SUFU: variants seen among roughly 807,000 people sequenced by gnomAD.
SUFU encodes SUFU negative regulator of hedgehog signaling, also known as suppressor of fused homolog.
SUFU carries 7 observed loss-of-function variants against 58.9 expected under a neutral mutation model. The observed-to-expected ratio is 0.12, with a 90% CI of 0.07 to 0.22. The LOEUF is 0.22. Ranked by LOEUF, SUFU falls within the 10% of genes least tolerant of loss-of-function variation. The pLI, the probability that SUFU is intolerant of heterozygous loss-of-function variation, is 1.00. For synonymous variants in SUFU, 232 were observed against 254.8 expected (o/e 0.91, Z 0.85); for missense variants, 451 against 641.3 (o/e 0.70, Z 3.20).
At position 102,625,180 on chromosome 10, in the gene SUFU, G is replaced by A. The variant is rs1250940883; in HGVS notation, c.1297-1995G>A. ...GGGATAAGAGAGTAGGAGGAGCAAG[G>A]GCTTAGGCTGTGAGAGGGAGTACGT... On this transcript the variant is annotated intron_variant, in intron 10 of 11. Transcript: ENST00000369902. The surrounding 1 kb of genome is among the most constrained non-coding windows in gnomAD (Gnocchi z 4.7). Among the ~76,000 whole-genome samples the A allele has an allele frequency of 1.3e-5, 2 of 152,182 alleles. No homozygotes were observed. The highest frequency in any genetic ancestry group is 2.9e-5 in the Non-Finnish European group (2 of 68,042).
At chr10:102,509,437 C>A in intron 2 of SUFU, 134 bp downstream of exon 2, 1 of 1,279,084 alleles carries the variant, frequency 7.8e-7, no homozygotes. Context: ...CTGACTATAT[C>A]TACTCATGCC....
At chr10:102,507,463 T>C (rs1589973587) in intron 1 of SUFU, among the ~76,000 whole-genome samples, 1 of 152,226 alleles carries the variant, frequency 6.6e-6, no homozygotes, top group East Asian at 1.9e-4. Context: ...CCACAAACTT[T>C]TCTAAATCCA....
intron 3 of SUFU, among the ~76,000 whole-genome samples, chr10:102,578,932 G>A (rs540833408): frequency 1.3e-5 from 2 of 152,050 alleles, no homozygotes; most frequent in African/African-American, 4.8e-5. Context: ...TAGGTGGCAG[G>A]CCCTCGTGCT....
At chr10:102,511,694 G>A (rs933887497) in intron 2 of SUFU, among the ~76,000 whole-genome samples, 1 of 152,074 alleles carries the variant, frequency 6.6e-6, no homozygotes, top group Non-Finnish European at 1.5e-5. Flanking sequence ...TGGGCTGTTT[G>A]AGTCCAAAGT....
chr10:102,543,081 G>C (rs1336181508), intron 2 of SUFU, among the ~76,000 whole-genome samples: 1 of 152,120 alleles, frequency 6.6e-6, no homozygotes, highest in East Asian at 1.9e-4. Flanking sequence ...CTTAGAAGTG[G>C]GATTGCTGGA....
chr10:102,567,552 C>T (rs1182266090), intron 3 of SUFU, among the ~76,000 whole-genome samples: 6 of 152,088 alleles, frequency 3.9e-5, no homozygotes, highest in African/African-American at 9.7e-5. Flanking sequence ...GGCCCTCCCT[C>T]GAGGGTTCTG....
At chr10:102,574,464 A>G (rs1199167014) in intron 3 of SUFU, among the ~76,000 whole-genome samples, 4 of 152,322 alleles carry the variant, frequency 2.6e-5, no homozygotes, top group African/African-American at 9.6e-5. Context: ...ATACAAATAT[A>G]TGGCCAGGCG....
At chr10:102,597,885 C>A (rs1364946711) in intron 7 of SUFU, among the ~76,000 whole-genome samples, 1 of 152,214 alleles carries the variant, frequency 6.6e-6, no homozygotes, top group Non-Finnish European at 1.5e-5. Context: ...TTGGAATCTC[C>A]CTGTGCTGAT....
In SUFU at chr10:102,593,624, C is replaced by T. The variant is rs768142814; in HGVS notation, c.598-12C>T. 2 of 1,614,168 alleles carry T rather than the reference C, an allele frequency of 1.2e-6. No individual in the cohort carries two copies. The highest frequency in any genetic ancestry group is 4.5e-5 in the East Asian group (2 of 44,890). On this transcript the variant is annotated splice_polypyrimidine_tract_variant and intron_variant, in intron 4 of 11. Coordinates refer to ENST00000369902, the MANE Select transcript of SUFU (RefSeq NM_016169.4). ...CATTAACACACAATGGGCTTTCTAT[C>T]CTGGGCCTCAGATCGTTGGTGTCTG... is the stretch of plus-strand genomic sequence containing the variant.
At position 102,617,479 on chromosome 10, in the gene SUFU, C is replaced by A; in HGVS notation, c.1296+51C>A. On this transcript the variant is annotated intron_variant, in intron 10 of 11. Coordinates refer to ENST00000369902, the MANE Select transcript of SUFU (RefSeq NM_016169.4). This position sits in a 1 kb window ranked among gnomAD's most constrained non-coding sequence, Gnocchi z 4.4. ...TCCTTCCTTTCATAGACTTCCTTGC[C>A]CACCCCTCCTCTTCTCCCTTGGCAG... is the stretch of plus-strand genomic sequence containing the variant. 1 of 1,613,134 alleles carries A rather than the reference C, an allele frequency of 6.2e-7. No homozygotes were observed. Among genetic ancestry groups the A allele is most frequent in the South Asian group, 1.1e-5 (1 of 91,072 alleles).
In SUFU at chr10:102,629,982, G is replaced by T. The variant is rs1400417179; in HGVS notation, c.1366-84G>T. 1.0e-5 allele frequency: 13 copies of T among 1,293,244 alleles called. No homozygotes were observed. Among genetic ancestry groups the T allele is most frequent in the Non-Finnish European group, 1.5e-5 (13 of 887,564 alleles). The allele number at this position is 1,293,244 out of a possible 1,614,324, so 80.1% of individuals were successfully genotyped here. ...CCTGTCCTATCCCTAGCTCCCCGGGGACAGGCCTGGGCAATCTCTGGAAAG... is the reference window on the plus strand; with the variant it reads ...CCTGTCCTATCCCTAGCTCCCCGGGTACAGGCCTGGGCAATCTCTGGAAAG... On this transcript the variant is annotated intron_variant, in intron 11 of 11. Coordinates refer to ENST00000369902, the MANE Select transcript of SUFU (RefSeq NM_016169.4). This position sits in a 1 kb window ranked among gnomAD's most constrained non-coding sequence, Gnocchi z 4.7.
At chr10:102,585,043 G>C (rs1175485998) in intron 3 of SUFU, among the ~76,000 whole-genome samples, 1 of 152,246 alleles carries the variant, frequency 6.6e-6, no homozygotes, top group Non-Finnish European at 1.5e-5. Flanking sequence ...TGCCTGGGGT[G>C]GTGGGAACAA....
chr10:102,543,202 C>T (rs11191326), intron 2 of SUFU, among the ~76,000 whole-genome samples: 52,965 of 152,000 alleles, frequency 0.35, 9,389 homozygotes, highest in African/African-American at 0.39. Context: ...GTCTCTTCCC[C>T]CACAACCTCA....
At position 102,617,187 on chromosome 10, in the gene SUFU, C is replaced by G; in HGVS notation, c.1158-103C>G. ...AGCCAGGAGGGCATGTTACCTGGCCCGCGGACCATAGTCCCCACTGTCCCA... is the reference window on the plus strand; with the variant it reads ...AGCCAGGAGGGCATGTTACCTGGCCGGCGGACCATAGTCCCCACTGTCCCA... On this transcript the variant is annotated intron_variant, in intron 9 of 11. Coordinates refer to ENST00000369902, the MANE Select transcript of SUFU (RefSeq NM_016169.4). The surrounding 1 kb of genome is among the most constrained non-coding windows in gnomAD (Gnocchi z 4.4). 1.3e-6 allele frequency: 2 copies of G among 1,516,700 alleles called. No homozygotes were observed. The highest frequency in any genetic ancestry group is 2.3e-5 in the East Asian group (1 of 44,246). 94.0% of individuals were successfully genotyped at this position (1,516,700 alleles called of 1,614,324 possible).
chr10:102,503,966 T>C, upstream of SUFU: 1 of 817,296 alleles, frequency 1.2e-6, no homozygotes, highest in Non-Finnish European at 1.8e-6. Context: ...CGAGGCACCC[T>C]CTGGCAGACT....
At chr10:102,623,430 T>A (rs1175298830) in intron 10 of SUFU, among the ~76,000 whole-genome samples, 1 of 152,206 alleles carries the variant, frequency 6.6e-6, no homozygotes, top group African/African-American at 2.4e-5. Flanking sequence ...CTAGCCCTCT[T>A]AAGTTGAGCA....
chr10:102,614,488 G>A (rs994632893), intron 8 of SUFU, among the ~76,000 whole-genome samples: 12 of 151,864 alleles, frequency 7.9e-5, no homozygotes, highest in African/African-American at 2.9e-4. Flanking sequence ...AACCTGGGAG[G>A]CGGAGGTTGC....
At chr10:102,545,010 T>G (rs2062839341) in intron 2 of SUFU, among the ~76,000 whole-genome samples, 1 of 152,244 alleles carries the variant, frequency 6.6e-6, no homozygotes, top group African/African-American at 2.4e-5. Flanking sequence ...GTTTATCCAT[T>G]CCTCAGTTGA....
At chr10:102,567,224 G>A (rs2063100728) in intron 3 of SUFU, among the ~76,000 whole-genome samples, 1 of 151,528 alleles carries the variant, frequency 6.6e-6, no homozygotes, top group African/African-American at 2.4e-5. Context: ...TGTTAGCCAG[G>A]AGGGTCTCGA....
Sources: allele counts gnomAD v4.1 joint callset (sites outside exome capture counted in the v4.1 genomes callset), GRCh38; gene constraint gnomAD v4.1.1; non-coding constraint Gnocchi (gnomAD v3.1); transcripts MANE v1.5; gene names NCBI Gene and HGNC (gene_info 2026-07-23, HGNC 2026-07-21).